CADM2: variants seen among roughly 807,000 people sequenced by gnomAD.
CADM2 encodes the protein immunoglobulin superfamily member 4D.
A neutral mutation model predicts 49.8 loss-of-function variants in CADM2; 12 were observed. The ratio of observed to expected loss-of-function variants is 0.24; its 90% CI spans 0.15 to 0.39. The LOEUF (loss-of-function observed/expected upper bound fraction) is 0.39. CADM2 is among the 10% of genes least tolerant of loss of function. The probability of loss-of-function intolerance (pLI) is 1.00; values close to 1 mark genes in which losing one functional copy is unlikely to be tolerated. For synonymous variants in CADM2, 214 were observed against 175.4 expected, an observed-to-expected ratio of 1.22 and a Z score of -1.74; for missense variants, 378 against 492.3, an observed-to-expected ratio of 0.77 and a Z score of 2.20.
chr3:85,750,017 A>T (rs1272437054), intron 2 of CADM2, among the ~76,000 whole-genome samples: 1 of 151,966 alleles, frequency 6.6e-6, no homozygotes, highest in African/African-American at 2.4e-5. Context: ...CTTTTAGGTG[A>T]TGTAAAATTT....
chr3:85,189,872 C>T (rs1264585171), intron 1 of CADM2, among the ~76,000 whole-genome samples: 4 of 138,532 alleles, frequency 2.9e-5, no homozygotes, highest in African/African-American at 9.9e-5. Context: ...GGCTGTTGTC[C>T]GGAGATATTA....
In CADM2 at chr3:85,809,778, C is replaced by CTG. The variant is rs1391803170; in HGVS notation, c.238+7583_238+7584insGT. Among the ~76,000 whole-genome samples, 10 of 113,496 alleles carry CTG rather than the reference C, an allele frequency of 8.8e-5. 2 individuals are homozygous for CTG. Among genetic ancestry groups the CTG allele is most frequent in the African/African-American group, 1.4e-4 (4 of 27,996 alleles). The allele number at this position is 113,496 out of a possible 152,430, so 74.5% of individuals were successfully genotyped here. ...TCCCTCCCTCCCTCTCTCTCTCTCTCTCTCTCTCTCTCTCTTTCTTTCTTT... is the reference window on the plus strand; with the variant it reads ...TCCCTCCCTCCCTCTCTCTCTCTCTCTGTCTCTCTCTCTCTCTTTCTTTCTTT... On this transcript the variant is annotated intron_variant, in intron 3 of 9. Coordinates refer to ENST00000383699, the MANE Select transcript of CADM2 (RefSeq NM_001167675.2).
intron 7 of CADM2, among the ~76,000 whole-genome samples, chr3:85,959,012 A>G (rs1388304832): frequency 1.3e-5 from 2 of 151,504 alleles, no homozygotes; most frequent in Non-Finnish European, 2.9e-5. Context: ...TGTTTCGTGG[A>G]ACTTAAATTA....
At chr3:85,755,698 A>T (rs2069084013) in intron 2 of CADM2, among the ~76,000 whole-genome samples, 1 of 152,006 alleles carries the variant, frequency 6.6e-6, no homozygotes, top group Non-Finnish European at 1.5e-5. Flanking sequence ...AGGAAGTGAG[A>T]GAAGGGGGAG....
intron 1 of CADM2, among the ~76,000 whole-genome samples, chr3:85,716,521 T>C (rs2067299463): frequency 6.6e-6 from 1 of 152,232 alleles, no homozygotes; most frequent in Admixed American, 6.5e-5. Context: ...AGATCCCATT[T>C]GTCAATGTTG....
At chr3:85,088,115 C>T (rs1447662896) in intron 1 of CADM2, among the ~76,000 whole-genome samples, 2 of 151,514 alleles carry the variant, frequency 1.3e-5, no homozygotes, top group Non-Finnish European at 3.0e-5. Context: ...GGTCTTGCTT[C>T]CTGGTATTAC....
At chr3:85,128,853 A>G (rs1006963789) in intron 1 of CADM2, among the ~76,000 whole-genome samples, 1 of 152,168 alleles carries the variant, frequency 6.6e-6, no homozygotes, top group African/African-American at 2.4e-5. Flanking sequence ...CACTTTATTT[A>G]CTGTGGGGCA....
intron 2 of CADM2, among the ~76,000 whole-genome samples, chr3:85,756,445 G>GA (rs2069126897): frequency 6.6e-6 from 1 of 152,102 alleles, no homozygotes; most frequent in Non-Finnish European, 1.5e-5. Context: ...AATGTTTGAA[G>GA]ACATTGCATA....
chr3:85,903,741 C>T (rs116912109), intron 5 of CADM2, among the ~76,000 whole-genome samples: 1,837 of 152,200 alleles, frequency 0.012, 49 homozygotes, highest in South Asian at 0.093. Flanking sequence ...GTCTTTCTTT[C>T]CTGTTGTCTC....
chr3:85,751,700 A>G (rs2068865846), intron 2 of CADM2, among the ~76,000 whole-genome samples: 1 of 152,312 alleles, frequency 6.6e-6, no homozygotes, highest in Admixed American at 6.5e-5. Flanking sequence ...TCTTCACCAG[A>G]CAGTCAGTTA....
chr3:85,081,739 C>A (rs1006986970), intron 1 of CADM2, among the ~76,000 whole-genome samples: 1 of 152,064 alleles, frequency 6.6e-6, no homozygotes, highest in Non-Finnish European at 1.5e-5. Context: ...AGGAAGAGGC[C>A]GGCATTTCTC....
intron 1 of CADM2, among the ~76,000 whole-genome samples, chr3:85,428,191 A>G (rs1250307076): frequency 6.6e-6 from 1 of 151,120 alleles, no homozygotes; most frequent in Non-Finnish European, 1.5e-5. Flanking sequence ...TGTATAATTT[A>G]TACCTAAATT....
intron 1 of CADM2, among the ~76,000 whole-genome samples, chr3:85,422,236 T>G (rs541106362): frequency 1.3e-5 from 2 of 152,344 alleles, no homozygotes; most frequent in Admixed American, 1.3e-4. Context: ...TCATTATTAT[T>G]CTGGAAAGCA....
chr3:85,224,940 G>C (rs1362374920), intron 1 of CADM2, among the ~76,000 whole-genome samples: 1 of 152,048 alleles, frequency 6.6e-6, no homozygotes, highest in Non-Finnish European at 1.5e-5. Flanking sequence ...TGAGGCCTCT[G>C]TTCTGTTCCA....
chr3:85,157,816 C>T (rs2040185237), intron 1 of CADM2, among the ~76,000 whole-genome samples: 1 of 152,108 alleles, frequency 6.6e-6, no homozygotes, highest in African/African-American at 2.4e-5. Context: ...AAAGCAATGG[C>T]AATAAAAGCC....
intron 8 of CADM2, among the ~76,000 whole-genome samples, chr3:86,044,864 A>G (rs1191185647): frequency 6.6e-6 from 1 of 152,260 alleles, no homozygotes; most frequent in African/African-American, 2.4e-5. Context: ...ATACACCATG[A>G]AATACTATGC....
chr3:85,713,275 T>A (rs541315916), intron 1 of CADM2, among the ~76,000 whole-genome samples: 1 of 152,068 alleles, frequency 6.6e-6, no homozygotes, highest in Non-Finnish European at 1.5e-5. Flanking sequence ...TTTTTTTGTA[T>A]TTTTTAGTAG....
chr3:85,579,835 A>G (rs1231289844), intron 1 of CADM2, among the ~76,000 whole-genome samples: 2 of 152,076 alleles, frequency 1.3e-5, no homozygotes, highest in African/African-American at 2.4e-5. Flanking sequence ...TATTGCATTT[A>G]TATGTATACA....
intron 1 of CADM2, among the ~76,000 whole-genome samples, chr3:85,591,423 T>C (rs2107344008): frequency 6.9e-6 from 1 of 144,706 alleles, no homozygotes; most frequent in South Asian, 2.2e-4. Context: ...ATTAAAACAG[T>C]TGGGTTTATG....
Sources: allele counts gnomAD v4.1 joint callset (sites outside exome capture counted in the v4.1 genomes callset), GRCh38; gene constraint gnomAD v4.1.1; transcripts MANE v1.5; gene names NCBI Gene and HGNC (gene_info 2026-07-23, HGNC 2026-07-21).